ATF7: variants seen among roughly 807,000 people sequenced by gnomAD.
ATF7 encodes the protein activating transcription factor 7.
A neutral mutation model predicts 50.4 loss-of-function variants in ATF7; 10 were observed. The observed-to-expected ratio is 0.20, with a 90% CI of 0.12 to 0.34. The LOEUF (loss-of-function observed/expected upper bound fraction) is 0.34, where lower values mean the gene tolerates loss of function less well. Among genes scored for constraint, ATF7 ranks in the 10% least tolerant of loss-of-function variants. The pLI is 1.00. For synonymous variants in ATF7, 201 were observed against 226.4 expected (o/e 0.89, Z 1.01); for missense variants, 465 against 613.9 (o/e 0.76, Z 2.56).
intron 2 of ATF7, among the ~76,000 whole-genome samples, chr12:53,596,417 A>G (rs1943159653): frequency 1.3e-5 from 2 of 152,180 alleles, no homozygotes; most frequent in Non-Finnish European, 2.9e-5. Context: ...TCCTCAGAGG[A>G]AATGCGTTCC....
chr12:53,587,188 G>A (rs554710671), intron 2 of ATF7, among the ~76,000 whole-genome samples: 4 of 151,560 alleles, frequency 2.6e-5, no homozygotes, highest in Non-Finnish European at 5.9e-5. Context: ...CCAACATGGT[G>A]AAAACCCATC....
At chr12:53,562,465 C>A (rs1390421111) in intron 2 of ATF7, among the ~76,000 whole-genome samples, 1 of 152,038 alleles carries the variant, frequency 6.6e-6, no homozygotes, top group East Asian at 1.9e-4. Flanking sequence ...CATGGTGAAA[C>A]CCCGTCTCTA....
chr12:53,604,816 T>C (rs1943537583), intron 1 of ATF7, among the ~76,000 whole-genome samples: 1 of 152,214 alleles, frequency 6.6e-6, no homozygotes, highest in Non-Finnish European at 1.5e-5. Context: ...CATTCATTCA[T>C]TAATTCATTC....
At chr12:53,610,936 C>T (rs990200032) in intron 1 of ATF7, among the ~76,000 whole-genome samples, 2 of 152,072 alleles carry the variant, frequency 1.3e-5, no homozygotes, top group Non-Finnish European at 2.9e-5. Flanking sequence ...AAGTGATCCT[C>T]CTGTCTCGGC....
intron 11 of ATF7, among the ~76,000 whole-genome samples, chr12:53,522,171 T>C (rs939525153): frequency 6.6e-6 from 1 of 152,228 alleles, no homozygotes; most frequent in Non-Finnish European, 1.5e-5. Flanking sequence ...GAAACCAACG[T>C]CAGCCTATCA....
At chr12:53,544,073 A>C (rs558963291) in intron 3 of ATF7, 2 of 152,648 alleles carry the variant, frequency 1.3e-5, no homozygotes, top group African/African-American at 2.4e-5. Flanking sequence ...AGGAAACTGT[A>C]AACAATAGAC....
In ATF7 at chr12:53,525,852, A is replaced by C. The variant is rs150312159; in HGVS notation, c.928-1091T>G. Among the ~76,000 whole-genome samples, 1,258 of 152,298 alleles carry C rather than the reference A, an allele frequency of 8.3e-3. 17 individuals are homozygous for C. The highest frequency in any genetic ancestry group is 0.028 in the African/African-American group (1,167 of 41,562). On this transcript the variant is annotated intron_variant, in intron 9 of 11. Transcript: ENST00000420353. ...AGAAAGGTCAACCATCTGTAGAAAA[A>C]AGTTCAGCCTTGAACACAGGCTTGA...
chr12:53,570,441 A>G (rs1941684489), intron 2 of ATF7, among the ~76,000 whole-genome samples: 1 of 152,222 alleles, frequency 6.6e-6, no homozygotes, highest in Non-Finnish European at 1.5e-5. Context: ...CCTCACCTCT[A>G]GGTAACAACT....
chr12:53,559,887 T>C (rs1212326555), intron 2 of ATF7, among the ~76,000 whole-genome samples: 1 of 152,176 alleles, frequency 6.6e-6, no homozygotes, highest in African/African-American at 2.4e-5. Context: ...ACAGCACATA[T>C]TCAACTAGTT....
intron 3 of ATF7, among the ~76,000 whole-genome samples, chr12:53,551,258 C>T (rs780460396): frequency 6.6e-6 from 1 of 152,208 alleles, no homozygotes; most frequent in African/African-American, 2.4e-5. Flanking sequence ...CTCCTGGGCT[C>T]AAGCTATCTT....
intron 2 of ATF7, among the ~76,000 whole-genome samples, chr12:53,558,253 T>C (rs1408677274): frequency 6.6e-6 from 1 of 152,242 alleles, no homozygotes; most frequent in Non-Finnish European, 1.5e-5. Flanking sequence ...AGGATGCTAC[T>C]GGCCTCTAGA....
chr12:53,571,813 T>A (rs1592899564), intron 2 of ATF7, among the ~76,000 whole-genome samples: 2 of 152,050 alleles, frequency 1.3e-5, no homozygotes. Context: ...ACGCCTGTAA[T>A]CCCAGCACTT....
intron 1 of ATF7, among the ~76,000 whole-genome samples, chr12:53,601,774 G>C (rs951570632): frequency 6.6e-6 from 1 of 152,076 alleles, no homozygotes; most frequent in African/African-American, 2.4e-5. Flanking sequence ...TGCTGCTTTC[G>C]GCCAGTGTTC....
chr12:53,611,931 A>G (rs970580667), intron 1 of ATF7, among the ~76,000 whole-genome samples: 5 of 151,380 alleles, frequency 3.3e-5, no homozygotes, highest in African/African-American at 1.2e-4. Flanking sequence ...AAAAAATCGG[A>G]AAGAATATGT....
At chr12:53,574,837 TAG>T (rs1941966595) in intron 2 of ATF7, 1 of 311,954 alleles carries the variant, frequency 3.2e-6, no homozygotes, top group African/African-American at 2.3e-5. Flanking sequence ...CCTAAAGAAA[TAG>T]ACATATATTA....
At chr12:53,529,734 C>CACACACACACACACATATAT (rs1298379846) in intron 9 of ATF7, among the ~76,000 whole-genome samples, 20 of 143,546 alleles carry the variant, frequency 1.4e-4, no homozygotes, top group African/African-American at 4.9e-4. Flanking sequence ...CACACACACA[C>CACACACACACACACATATAT]ATATATATAT....
chr12:53,561,717 T>C (rs1204747829), intron 2 of ATF7, among the ~76,000 whole-genome samples: 6 of 152,092 alleles, frequency 3.9e-5, no homozygotes, highest in African/African-American at 1.4e-4. Context: ...TGATGGGAAA[T>C]AAATAAATAA....
intron 3 of ATF7, among the ~76,000 whole-genome samples, chr12:53,550,837 A>G (rs999487612): frequency 5.3e-5 from 8 of 152,194 alleles, no homozygotes; most frequent in African/African-American, 1.9e-4. Context: ...CAGAACTGAA[A>G]GCAAATAGTA....
At chr12:53,594,892 A>C (rs1215179653) in intron 2 of ATF7, among the ~76,000 whole-genome samples, 1 of 151,686 alleles carries the variant, frequency 6.6e-6, no homozygotes, top group Non-Finnish European at 1.5e-5. Context: ...CATCTCAAAA[A>C]AAAAAAAAGA....
Sources: allele counts gnomAD v4.1 joint callset (sites outside exome capture counted in the v4.1 genomes callset), GRCh38; gene constraint gnomAD v4.1.1; transcripts MANE v1.5; gene names NCBI Gene and HGNC (gene_info 2026-07-23, HGNC 2026-07-21).